Variants in PRKCE observed in about 807,000 individuals in gnomAD.
PRKCE encodes the protein protein kinase C epsilon type.
In PRKCE, 16 loss-of-function variants were observed where a neutral mutation model predicts 85.4. The ratio of observed to expected loss-of-function variants is 0.19; its 90% CI spans 0.13 to 0.28. The LOEUF is 0.28. PRKCE is among the 10% of genes least tolerant of loss of function. The pLI is 1.00. For missense variants in PRKCE, 573 were observed against 975.2 expected, an observed-to-expected ratio of 0.59 and a Z score of 5.49; for synonymous variants, 388 against 371.5, an observed-to-expected ratio of 1.04 and a Z score of -0.51.
chr2:45,867,794 C>T (rs1353208145), intron 2 of PRKCE, among the ~76,000 whole-genome samples: 5 of 152,062 alleles, frequency 3.3e-5, no homozygotes, highest in African/African-American at 1.2e-4. Context: ...TGGCATATAG[C>T]AGTTGATTTT....
chr2:46,155,142 G>A lies in PRKCE; in HGVS notation c.1920+3913G>A, dbSNP rs1469393134. ...CCCCTCATGATCCCCCAGCAGCAAC[G>A]AGGACTTCACCTCACCAGATCTGGC... On this transcript the variant is annotated intron_variant, in intron 13 of 14. Transcript: ENST00000306156. The surrounding 1 kb of genome is among the most constrained non-coding windows in gnomAD (Gnocchi z 4.7). 6.6e-6 allele frequency among the ~76,000 whole-genome samples: 1 copy of A among 152,196 alleles called. No homozygotes were observed. Among genetic ancestry groups the A allele is most frequent in the African/African-American group, 2.4e-5 (1 of 41,450 alleles).
chr2:46,166,766 A>C (rs986159775), intron 14 of PRKCE: 12 of 152,234 alleles, frequency 7.9e-5, no homozygotes, highest in African/African-American at 2.9e-4. Flanking sequence ...CAAGGCAGGC[A>C]GATCACTTGC....
intron 2 of PRKCE, among the ~76,000 whole-genome samples, chr2:45,971,561 G>A (rs536573605): frequency 6.6e-6 from 1 of 152,184 alleles, no homozygotes; most frequent in Non-Finnish European, 1.5e-5. Context: ...TGTAACCAGG[G>A]TTGAAGACAG....
chr2:45,860,277 T>C (rs1032583838), intron 2 of PRKCE, among the ~76,000 whole-genome samples: 1 of 152,212 alleles, frequency 6.6e-6, no homozygotes, highest in African/African-American at 2.4e-5. Context: ...ATCACCCAAA[T>C]GCTGTGTTTA....
At chr2:46,065,013 C>T (rs997557686) in intron 10 of PRKCE, among the ~76,000 whole-genome samples, 6 of 152,172 alleles carry the variant, frequency 3.9e-5, no homozygotes, top group African/African-American at 1.4e-4. Flanking sequence ...AAGCCATGCT[C>T]TTAAGTTATT....
At chr2:46,036,519 G>T (rs950082014) in intron 10 of PRKCE, among the ~76,000 whole-genome samples, 1 of 152,196 alleles carries the variant, frequency 6.6e-6, no homozygotes, top group African/African-American at 2.4e-5. Flanking sequence ...GAGCCCAGGA[G>T]GTGGGGACTG....
intron 1 of PRKCE, among the ~76,000 whole-genome samples, chr2:45,658,211 C>T (rs560410113): frequency 6.6e-5 from 10 of 152,296 alleles, no homozygotes; most frequent in African/African-American, 2.2e-4. Context: ...CTGGATCTCC[C>T]TTTCCCCTAC....
chr2:45,896,663 G>A (rs1696166946), intron 2 of PRKCE, among the ~76,000 whole-genome samples: 1 of 152,182 alleles, frequency 6.6e-6, no homozygotes, highest in Non-Finnish European at 1.5e-5. Context: ...ACTTTTATTG[G>A]AGTAGATTGC....
Position 46,151,242 on chromosome 2 carries a change from C to T in PRKCE, c.1920+13C>T. ...CATCTTGAAAGCTGTGAGTCACTGCCCCTCACCCATGGCTGTGCTCTCCTG... is the reference window on the plus strand; with the variant it reads ...CATCTTGAAAGCTGTGAGTCACTGCTCCTCACCCATGGCTGTGCTCTCCTG... On this transcript the variant is annotated intron_variant, in intron 13 of 14. Transcript: ENST00000306156. 6.3e-7 allele frequency: 1 copy of T among 1,591,850 alleles called. No individual in the cohort carries two copies. The highest frequency in any genetic ancestry group is 8.5e-7 in the Non-Finnish European group (1 of 1,174,798).
intron 11 of PRKCE, among the ~76,000 whole-genome samples, chr2:46,099,187 TC>T (rs1325633272): frequency 6.6e-6 from 1 of 152,124 alleles, no homozygotes; most frequent in African/African-American, 2.4e-5. Flanking sequence ...TCCCCACTCT[TC>T]TGCCACTTAC....
intron 10 of PRKCE, among the ~76,000 whole-genome samples, chr2:46,044,651 G>A (rs957933109): frequency 6.6e-6 from 1 of 152,170 alleles, no homozygotes; most frequent in Non-Finnish European, 1.5e-5. Context: ...TAGAAACCTG[G>A]AATGCTCAAT....
intron 10 of PRKCE, among the ~76,000 whole-genome samples, chr2:46,066,440 T>A (rs1386780699): frequency 6.6e-6 from 1 of 152,174 alleles, no homozygotes; most frequent in Non-Finnish European, 1.5e-5. Context: ...GTCTGTTGCT[T>A]TTTGATTTTC....
intron 11 of PRKCE, among the ~76,000 whole-genome samples, chr2:46,118,056 A>G (rs72879712): frequency 0.034 from 5,115 of 152,290 alleles, 283 homozygotes; most frequent in African/African-American, 0.12. Flanking sequence ...ACATAAAACA[A>G]GGGGATTAAT....
intron 2 of PRKCE, among the ~76,000 whole-genome samples, chr2:45,970,905 TATAC>T (rs1702065173): frequency 6.7e-6 from 1 of 150,118 alleles, no homozygotes; most frequent in Non-Finnish European, 1.5e-5. Context: ...ATATATAAAT[TATAC>T]ATACTATATA....
chr2:45,677,817 A>G (rs1410317005), intron 1 of PRKCE: 1 of 984,910 alleles, frequency 1.0e-6, no homozygotes, highest in African/African-American at 1.7e-5. Flanking sequence ...ATCGTTGTGG[A>G]AAATTCTGTT....
At chr2:46,000,372 T>C (rs1704573351) in intron 6 of PRKCE, among the ~76,000 whole-genome samples, 1 of 151,906 alleles carries the variant, frequency 6.6e-6, no homozygotes, top group African/African-American at 2.4e-5. Flanking sequence ...TGGCCTTAGA[T>C]AGGACAGGAT....
chr2:45,699,131 C>T (rs1368361681), intron 1 of PRKCE, among the ~76,000 whole-genome samples: 2 of 151,990 alleles, frequency 1.3e-5, no homozygotes, highest in South Asian at 4.1e-4. Flanking sequence ...TGCTTGGAAG[C>T]TCTGCCTTGT....
chr2:46,036,205 CAGAG>C (rs1283387805), intron 10 of PRKCE, among the ~76,000 whole-genome samples: 1 of 152,034 alleles, frequency 6.6e-6, no homozygotes, highest in East Asian at 1.9e-4. Flanking sequence ...TGGTTGGAGA[CAGAG>C]GGAGTTAAGG....
intron 13 of PRKCE, among the ~76,000 whole-genome samples, chr2:46,157,783 G>A (rs903992370): frequency 6.6e-6 from 1 of 152,212 alleles, no homozygotes; most frequent in Non-Finnish European, 1.5e-5. Flanking sequence ...CTGAGGAAGT[G>A]AGGAATCTAC....
Sources: allele counts gnomAD v4.1 joint callset (sites outside exome capture counted in the v4.1 genomes callset), GRCh38; gene constraint gnomAD v4.1.1; non-coding constraint Gnocchi (gnomAD v3.1); transcripts MANE v1.5; gene names NCBI Gene and HGNC (gene_info 2026-07-23, HGNC 2026-07-21).